The following DDX1 variants were observed in gnomAD, a reference collection of about 807,000 sequenced individuals.
DDX1 encodes ATP-dependent RNA helicase DDX1.
Under a neutral mutation model 108.7 loss-of-function variants are expected in DDX1, and 28 were observed. The ratio of observed to expected loss-of-function variants is 0.26; its 90% CI spans 0.19 to 0.35. The LOEUF is 0.35. Among genes scored for constraint, DDX1 ranks in the 10% least tolerant of loss-of-function variants. DDX1 has a pLI of 1.00. For missense variants in DDX1, 710 were observed against 884.5 expected (o/e 0.80, Z 2.50); for synonymous variants, 295 against 288.9 (o/e 1.02, Z -0.21).
chr2:15,623,925 A>G (rs1349081643), intron 19 of DDX1, among the ~76,000 whole-genome samples: 1 of 148,454 alleles, frequency 6.7e-6, no homozygotes, highest in African/African-American at 2.4e-5. Context: ...AGATGGGGAA[A>G]GGGGAATGAG....
intron 15 of DDX1, 83 bp downstream of exon 15, chr2:15,617,425 A>G: frequency 5.4e-6 from 4 of 738,150 alleles, no homozygotes; most frequent in Non-Finnish European, 8.5e-6. Flanking sequence ...AAGAAATATA[A>G]TTCAGTCATG....
chr2:15,619,074 G>T (rs1665947630), intron 16 of DDX1, among the ~76,000 whole-genome samples: 1 of 152,202 alleles, frequency 6.6e-6, no homozygotes, highest in Non-Finnish European at 1.5e-5. Context: ...CTGCAGCCAT[G>T]CCTGGGATGG....
intron 13 of DDX1, among the ~76,000 whole-genome samples, chr2:15,610,201 G>A (rs895287412): frequency 1.1e-4 from 16 of 152,194 alleles, no homozygotes; most frequent in Non-Finnish European, 1.3e-4. Flanking sequence ...GAAAGTGCTG[G>A]ATTATAGGTG....
At position 15,627,073 on chromosome 2, in the gene DDX1, C is replaced by T. The variant is rs1408723392; in HGVS notation, c.1614C>T (p.His538=). The T allele has an allele frequency of 1.2e-6, 2 of 1,609,920 alleles. No homozygotes were observed. The highest frequency in any genetic ancestry group is 1.6e-4 in the Middle Eastern group (1 of 6,066). ...QQGGGPDKKG[H]QFSCVCLHGD... is the part of the protein sequence containing the mutation. ...CACTAGGACCTGATAAAAAAGGACA[C>T]CAGTTCTCATGTGTTTGTCTTCATG... Residue 538 remains histidine (H), a synonymous_variant, in exon 20 of 26, where the codon CAC becomes CAT. Coordinates refer to ENST00000233084, the MANE Select transcript of DDX1 (RefSeq NM_004939.3).
intron 13 of DDX1, among the ~76,000 whole-genome samples, chr2:15,611,399 G>A (rs1024467820): frequency 3.3e-4 from 50 of 150,902 alleles, no homozygotes; most frequent in African/African-American, 1.1e-3. Flanking sequence ...GAGCTGCCGG[G>A]CACACCTCCC....
rs1254399368 is a variant in DDX1, at chr2:15,607,172, A to T, written c.818-3A>T. ...TGTGTTCTCATCTTTTTTATTCCCTAAGGTAATGCACAGGTGACACAAACA... is the reference window on the plus strand; with the variant it reads ...TGTGTTCTCATCTTTTTTATTCCCTTAGGTAATGCACAGGTGACACAAACA... On this transcript the variant is annotated splice_polypyrimidine_tract_variant and splice_region_variant and intron_variant, in intron 12 of 25. Transcript: ENST00000233084. 5 of 1,613,336 alleles carry T rather than the reference A, an allele frequency of 3.1e-6. No individual in the cohort carries two copies.
chr2:15,594,009 C>CG (rs1233314885), intron 1 of DDX1, among the ~76,000 whole-genome samples: 1 of 151,396 alleles, frequency 6.6e-6, no homozygotes, highest in Non-Finnish European at 1.5e-5. Flanking sequence ...ATCTGGGAGA[C>CG]GGAGTTTGCA....
At chr2:15,630,202 G>T in intron 25 of DDX1, 92 bp downstream of exon 25, 1 of 1,285,958 alleles carries the variant, frequency 7.8e-7, no homozygotes, top group Non-Finnish European at 1.1e-6. Flanking sequence ...ATTTCATTAG[G>T]TTAAGAGTAT....
chr2:15,618,124 C>T (rs1482323873), intron 15 of DDX1, 57 bp from the exon 16 acceptor site: 2 of 1,071,322 alleles, frequency 1.9e-6, no homozygotes, highest in East Asian at 2.4e-5. Flanking sequence ...CTGATTAAAA[C>T]TTACGTTTTT....
rs1038308898 is a variant in DDX1, at chr2:15,615,884, T to TTTTA, written c.1018-1340_1018-1337dup. On this transcript the variant is annotated intron_variant, in intron 14 of 25. Transcript: ENST00000233084. ...TACATCATATACACACTTTATATATTTTTATTTATTTATTTATTTATTTTT... is the reference window on the plus strand; with the variant it reads ...TACATCATATACACACTTTATATATTTTTATTTATTTATTTATTTATTTATTTTT... Among the ~76,000 whole-genome samples, 45 of 152,106 alleles carry TTTTA rather than the reference T, an allele frequency of 3.0e-4. No individual in the cohort carries two copies. The East Asian group carries it at 5.6e-3, about 19-fold the overall frequency.
chr2:15,602,571 T>C lies in DDX1; in HGVS notation c.331T>C (p.Cys111Arg). ...AFAIGSDGLC[C>R]QSREVKEWHG... ...AGCAATTGGGTCAGATGGTCTTTGT[T>C]GTCAAAGCAGAGAAGTAAAGGAATG... Residue 111 changes from cysteine to arginine, a missense_variant, in exon 7 of 26, where the codon TGT becomes CGT. This residue lies in a region of DDX1 where 661 missense variants were observed against 810.2 expected (regional missense o/e 0.82). Transcript: ENST00000233084. The C allele has an allele frequency of 1.2e-6, 2 of 1,613,892 alleles. No individual in the cohort carries two copies. The highest frequency in any genetic ancestry group is 1.7e-6 in the Non-Finnish European group (2 of 1,179,748).
At chr2:15,593,395 A>G (rs1665449653) in intron 1 of DDX1, among the ~76,000 whole-genome samples, 1 of 152,208 alleles carries the variant, frequency 6.6e-6, no homozygotes, top group Non-Finnish European at 1.5e-5. Context: ...GTTAGAGGTA[A>G]AGGACTGGAA....
At chr2:15,593,423 A>C (rs1325903722) in intron 1 of DDX1, among the ~76,000 whole-genome samples, 2 of 152,234 alleles carry the variant, frequency 1.3e-5, no homozygotes, top group African/African-American at 2.4e-5. Flanking sequence ...GTGATATGAA[A>C]TAAGACAAAA....
rs536887735 is a variant in DDX1, at chr2:15,612,899, C to T, written c.957-325C>T. 3.8e-3 allele frequency among the ~76,000 whole-genome samples: 573 copies of T among 151,400 alleles called. 13 individuals carry two copies. Among genetic ancestry groups the T allele is most frequent in the Admixed American group, 0.022 (331 of 15,256 alleles). On this transcript the variant is annotated intron_variant, in intron 13 of 25. Coordinates refer to ENST00000233084, the MANE Select transcript of DDX1 (RefSeq NM_004939.3). ...GCGCGTGCCTGCAATCGCAGGCACT[C>T]GGCAAGCTGAGGCAGGAGAATCAGG...
intron 14 of DDX1, among the ~76,000 whole-genome samples, chr2:15,616,030 C>G (rs954863648): frequency 6.6e-6 from 1 of 151,342 alleles, no homozygotes; most frequent in African/African-American, 2.4e-5. Flanking sequence ...GTAGCTGGGA[C>G]TAGATGTGCA....
intron 16 of DDX1, among the ~76,000 whole-genome samples, chr2:15,618,725 A>G (rs1362772479): frequency 6.6e-6 from 1 of 152,214 alleles, no homozygotes; most frequent in African/African-American, 2.4e-5. Context: ...TGGTGCCCAG[A>G]CTGTTCATGC....
At chr2:15,625,337 G>A (rs577715103) in intron 19 of DDX1, among the ~76,000 whole-genome samples, 72 of 152,242 alleles carry the variant, frequency 4.7e-4, no homozygotes, top group African/African-American at 1.7e-3. Flanking sequence ...GAAAGGATAT[G>A]AGGGTATTTT....
Position 15,597,491 on chromosome 2 carries a change from A to G in DDX1, c.259+20A>G. On this transcript the variant is annotated intron_variant, in intron 5 of 25. Coordinates refer to ENST00000233084, the MANE Select transcript of DDX1 (RefSeq NM_004939.3). ...CTTCAGGTAATTTTTGTAAATTGAT[A>G]TTTCCTTTTATATAAATCATTGGTT... is the stretch of plus-strand genomic sequence containing the variant. 7.0e-7 allele frequency: 1 copy of G among 1,433,544 alleles called. No homozygotes were observed. Among genetic ancestry groups the G allele is most frequent in the Non-Finnish European group, 9.7e-7 (1 of 1,027,462 alleles). 88.8% of individuals were successfully genotyped at this position (1,433,544 alleles called of 1,614,324 possible).
At chr2:15,604,635 A>G in intron 10 of DDX1, 126 bp downstream of exon 10, 2 of 659,848 alleles carry the variant, frequency 3.0e-6, no homozygotes, top group Middle Eastern at 2.5e-4. Flanking sequence ...TTGAACTAAT[A>G]TTTATTGAGC....
Sources: allele counts gnomAD v4.1 joint callset (sites outside exome capture counted in the v4.1 genomes callset), GRCh38; gene constraint gnomAD v4.1.1; regional missense constraint gnomAD v4.1.1; transcripts MANE v1.5; gene names NCBI Gene and HGNC (gene_info 2026-07-23, HGNC 2026-07-21).